Variants in NTM observed in about 807,000 individuals in gnomAD.
NTM encodes the protein IgLON family member 2.
A neutral mutation model predicts 42.1 loss-of-function variants in NTM; 13 were observed. The ratio of observed to expected loss-of-function variants is 0.31; its 90% CI spans 0.20 to 0.49. The LOEUF (loss-of-function observed/expected upper bound fraction) is 0.49, where lower values mean the gene tolerates loss of function less well. Among genes scored for constraint, NTM ranks in the 20% least tolerant of loss-of-function variants. The pLI, the probability that NTM is intolerant of heterozygous loss-of-function variation, is 0.99. For missense variants in NTM, 373 were observed against 452.8 expected (o/e 0.82, Z 1.60); for synonymous variants, 187 against 179.2 (o/e 1.04, Z -0.35).
rs552338107 is a variant in NTM at position 131,457,167 on chromosome 11, C to T, written c.82+86279C>T. 1.2e-4 allele frequency among the ~76,000 whole-genome samples: 18 copies of T among 152,252 alleles called. 1 individual carries two copies. In the East Asian group the frequency reaches 2.9e-3, roughly 25 times the overall value. ...CTCTCCTCCAGGATCCAAGTGACAACAGAAGGCAAAACTAACTAGCAAACA... is the reference window on the plus strand; with the variant it reads ...CTCTCCTCCAGGATCCAAGTGACAATAGAAGGCAAAACTAACTAGCAAACA... On this transcript the variant is annotated intron_variant, in intron 1 of 8. Coordinates refer to ENST00000683400, the MANE Select transcript of NTM (RefSeq NM_001352005.2).
chr11:131,912,989 T>G (rs1041472836), intron 2 of NTM, among the ~76,000 whole-genome samples: 2 of 152,182 alleles, frequency 1.3e-5, no homozygotes, highest in Non-Finnish European at 2.9e-5. Context: ...AGGCAAAGCT[T>G]AACCTCATGG....
intron 1 of NTM, among the ~76,000 whole-genome samples, chr11:131,396,949 T>C (rs1442289029): frequency 1.3e-5 from 2 of 152,188 alleles, no homozygotes; most frequent in East Asian, 3.9e-4. Flanking sequence ...TTCTGGACTC[T>C]ATATTTTTAA....
intron 4 of NTM, among the ~76,000 whole-genome samples, chr11:132,256,143 A>T (rs2092450743): frequency 6.6e-6 from 1 of 151,846 alleles, no homozygotes; most frequent in African/African-American, 2.4e-5. Context: ...CTCCTCATTC[A>T]CTTCTCTCTT....
chr11:131,835,073 C>G (rs1199109712), intron 1 of NTM, among the ~76,000 whole-genome samples: 1 of 152,074 alleles, frequency 6.6e-6, no homozygotes, highest in Non-Finnish European at 1.5e-5. Flanking sequence ...CATCCCTGTC[C>G]TCATGGGGCT....
At chr11:131,869,380 T>G (rs989953465) in intron 1 of NTM, among the ~76,000 whole-genome samples, 1 of 152,204 alleles carries the variant, frequency 6.6e-6, no homozygotes, top group Admixed American at 6.5e-5. Flanking sequence ...CCTTCTACCT[T>G]TCGTAGCTTG....
intron 2 of NTM, among the ~76,000 whole-genome samples, chr11:132,011,175 T>C (rs1299390102): frequency 6.6e-6 from 1 of 152,072 alleles, no homozygotes; most frequent in Non-Finnish European, 1.5e-5. Context: ...ATTGAAGAAC[T>C]GAATAAAGTC....
chr11:132,047,137 T>C (rs1316127318), intron 2 of NTM, among the ~76,000 whole-genome samples: 3 of 152,236 alleles, frequency 2.0e-5, no homozygotes, highest in Non-Finnish European at 4.4e-5. Context: ...CTTCTTTGCC[T>C]CCATCCAGTC....
In NTM at chr11:131,924,895, G is replaced by A. The variant is rs563588785; in HGVS notation, c.167+13247G>A. Among the ~76,000 whole-genome samples, 7 of 152,318 alleles carry A rather than the reference G, an allele frequency of 4.6e-5. No homozygotes were observed. The South Asian group carries it at 1.5e-3, about 32-fold the overall frequency. The stretch of plus-strand genomic sequence containing the variant: ...TTCAGCTGCATAGAAATATACAGAT[G>A]TAGTTTCTGAATCCAGACCTAAGCA... On this transcript the variant is annotated intron_variant, in intron 2 of 8. Transcript: ENST00000683400.
At chr11:132,165,365 C>G (rs190999386) in intron 3 of NTM, among the ~76,000 whole-genome samples, 49 of 152,270 alleles carry the variant, frequency 3.2e-4, no homozygotes, top group African/African-American at 1.2e-3. Context: ...CCTATAGATG[C>G]CCGTCACTCA....
chr11:132,261,855 CTT>C lies in NTM; in HGVS notation c.527-45832_527-45831del, dbSNP rs368175445. Among the ~76,000 whole-genome samples, 656 of 152,326 alleles carry C rather than the reference CTT, an allele frequency of 4.3e-3. 4 individuals carry two copies. Among genetic ancestry groups the C allele is most frequent in the African/African-American group, 0.015 (624 of 41,578 alleles). On this transcript the variant is annotated intron_variant, in intron 4 of 8. Coordinates refer to ENST00000683400, the MANE Select transcript of NTM (RefSeq NM_001352005.2). ...TGTTTGACTAGTCACAGTGGGGAAA[CTT>C]TGCACGAAGTTTAAACTGAAAACCC... is the stretch of plus-strand genomic sequence containing the variant.
At chr11:132,148,230 G>A (rs755885828) in intron 3 of NTM, among the ~76,000 whole-genome samples, 20 of 152,200 alleles carry the variant, frequency 1.3e-4, no homozygotes, top group Non-Finnish European at 2.2e-4. Context: ...AGGTATCAGA[G>A]TGTATTACAA....
At chr11:131,845,819 C>A (rs940377684) in intron 1 of NTM, among the ~76,000 whole-genome samples, 1 of 151,688 alleles carries the variant, frequency 6.6e-6, no homozygotes, top group Non-Finnish European at 1.5e-5. Flanking sequence ...AATGTTTACC[C>A]GAGGATTTTT....
At chr11:131,635,097 G>T (rs542455807) in intron 1 of NTM, among the ~76,000 whole-genome samples, 1 of 152,124 alleles carries the variant, frequency 6.6e-6, no homozygotes. Flanking sequence ...TGTAACCATC[G>T]TAACGTCATA....
chr11:131,424,022 A>G (rs1001185721), intron 1 of NTM, among the ~76,000 whole-genome samples: 3 of 152,126 alleles, frequency 2.0e-5, no homozygotes, highest in Admixed American at 2.0e-4. Context: ...TTTAACTTCC[A>G]CTTCACCCTC....
chr11:131,503,699 T>TC (rs1171548075), intron 1 of NTM, among the ~76,000 whole-genome samples: 1 of 64,124 alleles, frequency 1.6e-5, no homozygotes, highest in South Asian at 4.4e-4. Flanking sequence ...ATTGTTTCTC[T>TC]TTTTTTTGTA....
chr11:132,035,625 G>T (rs1160171112), intron 2 of NTM, among the ~76,000 whole-genome samples: 1 of 152,082 alleles, frequency 6.6e-6, no homozygotes, highest in East Asian at 1.9e-4. Context: ...TGGGCTATTG[G>T]CATGTGTGTG....
At chr11:131,846,491 C>A (rs2044919738) in intron 1 of NTM, among the ~76,000 whole-genome samples, 1 of 151,998 alleles carries the variant, frequency 6.6e-6, no homozygotes, top group Admixed American at 6.6e-5. Context: ...AAAAAATCTC[C>A]CCTTAAATAC....
intron 2 of NTM, among the ~76,000 whole-genome samples, chr11:132,089,312 C>A (rs1235720339): frequency 6.6e-6 from 1 of 152,160 alleles, no homozygotes; most frequent in African/African-American, 2.4e-5. Context: ...TGGAATCATA[C>A]TGGCAAAGCC....
chr11:132,098,880 G>A (rs2061332835), intron 2 of NTM, among the ~76,000 whole-genome samples: 1 of 152,246 alleles, frequency 6.6e-6, no homozygotes, highest in Non-Finnish European at 1.5e-5. Context: ...CAGCAGCCCT[G>A]CAGCTTGGAC....
Sources: allele counts gnomAD v4.1 joint callset (sites outside exome capture counted in the v4.1 genomes callset), GRCh38; gene constraint gnomAD v4.1.1; transcripts MANE v1.5; gene names NCBI Gene and HGNC (gene_info 2026-07-23, HGNC 2026-07-21).